The following NAA11 variants were observed in gnomAD, a reference collection of about 807,000 sequenced individuals.
The protein encoded by NAA11 is N-alpha-acetyltransferase 11.
Under a neutral mutation model 16.1 loss-of-function variants are expected in NAA11, and 15 were observed. The ratio of observed to expected loss-of-function variants is 0.93; its 90% CI spans 0.62 to 1.44. The LOEUF (loss-of-function observed/expected upper bound fraction) is 1.44, where lower values mean the gene tolerates loss of function less well. Among genes scored for constraint, NAA11 ranks in the 40% most tolerant of loss-of-function variants. The pLI is 0.00. For synonymous variants in NAA11, 122 were observed against 112.4 expected, an observed-to-expected ratio of 1.09 and a Z score of -0.54; for missense variants, 298 against 291.3, an observed-to-expected ratio of 1.02 and a Z score of -0.17.
At chr4:79,246,128 TTAAGGGCA>T (rs1337940718) in intron 2 of NAA11, among the ~76,000 whole-genome samples, 1 of 152,130 alleles carries the variant, frequency 6.6e-6, no homozygotes, top group Admixed American at 6.5e-5. Context: ...GTTAAATGGA[TTAAGGGCA>T]GTGCAAGATG....
chr4:79,175,384 A>G, the NAA11 span, among the ~76,000 whole-genome samples: 1 of 152,152 alleles, frequency 6.6e-6, no homozygotes, highest in East Asian at 1.9e-4. Context: ...ACATGAAATT[A>G]ATCAAGTAGC....
At chr4:79,319,650 T>C (rs1391870361) in intron 1 of NAA11, among the ~76,000 whole-genome samples, 1 of 152,240 alleles carries the variant, frequency 6.6e-6, no homozygotes, top group African/African-American at 2.4e-5. Flanking sequence ...AAAGGTGACA[T>C]TGTTAGAGAT....
chr4:79,324,054 G>A (rs1366204707), intron 1 of NAA11, among the ~76,000 whole-genome samples: 1 of 150,618 alleles, frequency 6.6e-6, no homozygotes, highest in Admixed American at 6.6e-5. Context: ...AACTTTTCAT[G>A]CTAATTTTCA....
At chr4:79,240,719 T>A (rs1025525593) in intron 2 of NAA11, among the ~76,000 whole-genome samples, 1 of 152,118 alleles carries the variant, frequency 6.6e-6, no homozygotes, top group African/African-American at 2.4e-5. Context: ...AGAAGTTACT[T>A]TTTCTGGTTG....
At chr4:79,168,411 G>A in the NAA11 span, among the ~76,000 whole-genome samples, 3 of 152,136 alleles carry the variant, frequency 2.0e-5, no homozygotes, top group Non-Finnish European at 4.4e-5. Flanking sequence ...AGGTCAAATG[G>A]TATTTCTGGT....
chr4:79,233,442 T>C (rs936166188), intron 2 of NAA11, among the ~76,000 whole-genome samples: 4 of 152,010 alleles, frequency 2.6e-5, no homozygotes, highest in Non-Finnish European at 4.4e-5. Context: ...ATCCCTTGTT[T>C]TTCTTTTGAC....
At chr4:79,176,281 G>T in the NAA11 span, among the ~76,000 whole-genome samples, 1 of 152,094 alleles carries the variant, frequency 6.6e-6, no homozygotes, top group Non-Finnish European at 1.5e-5. Context: ...TAAAATAGAG[G>T]TTAATAGATC....
chr4:79,219,577 A>G, the NAA11 span, among the ~76,000 whole-genome samples: 1 of 152,182 alleles, frequency 6.6e-6, no homozygotes, highest in African/African-American at 2.4e-5. Context: ...TATTTGTGCT[A>G]TATGATATGC....
At position 79,326,048 on chromosome 4, in the gene NAA11, G is replaced by C. The variant is rs1270066825; in HGVS notation, c.-171C>G. 1.6e-6 allele frequency: 1 copy of C among 619,880 alleles called. No individual in the cohort carries two copies. Among genetic ancestry groups the C allele is most frequent in the African/African-American group, 1.9e-5 (1 of 53,988 alleles). 38.4% of individuals were successfully genotyped at this position (619,880 alleles called of 1,614,324 possible). On this transcript the variant is annotated 5_prime_UTR_variant, in exon 1 of 2. The change creates a new upstream start codon in the 5' untranslated region. Coordinates refer to ENST00000286794, the MANE Select transcript of NAA11 (RefSeq NM_032693.3). ...GGCGGAAGGAGCAGGAGATGGAAAA[G>C]ATGGTGCCAAACTGCGGCTTTCAGA...
At chr4:79,214,379 G>A in the NAA11 span, among the ~76,000 whole-genome samples, 1 of 152,136 alleles carries the variant, frequency 6.6e-6, no homozygotes, top group Non-Finnish European at 1.5e-5. Flanking sequence ...AAAGGATGTA[G>A]TAGAAACTTA....
chr4:79,306,849 A>G (rs1723597105), intron 1 of NAA11: 1 of 152,200 alleles, frequency 6.6e-6, no homozygotes, highest in South Asian at 2.1e-4. Context: ...CAGCTGTTCA[A>G]TGAACACAGC....
chr4:79,288,205 A>G (rs973944534), intron 2 of NAA11, among the ~76,000 whole-genome samples: 1 of 152,144 alleles, frequency 6.6e-6, no homozygotes, highest in Admixed American at 6.6e-5. Context: ...CTGACACCTC[A>G]TTACAGAATG....
At chr4:79,173,856 T>C in the NAA11 span, among the ~76,000 whole-genome samples, 1 of 152,158 alleles carries the variant, frequency 6.6e-6, no homozygotes, top group Admixed American at 6.6e-5. Context: ...TTACACAGCT[T>C]TAATGCCTAG....
intron 2 of NAA11, among the ~76,000 whole-genome samples, chr4:79,256,577 C>T (rs1254376814): frequency 6.7e-6 from 1 of 148,608 alleles, no homozygotes; most frequent in African/African-American, 2.5e-5. Context: ...GTGATTAGAT[C>T]CATTAAGTCT....
chr4:79,209,684 T>C, the NAA11 span, among the ~76,000 whole-genome samples: 1 of 152,160 alleles, frequency 6.6e-6, no homozygotes, highest in Non-Finnish European at 1.5e-5. Context: ...CTTGTAGTTA[T>C]TTTAAAATTT....
intron 2 of NAA11, among the ~76,000 whole-genome samples, chr4:79,274,604 AT>A (rs1400204974): frequency 6.6e-6 from 1 of 152,098 alleles, no homozygotes; most frequent in East Asian, 1.9e-4. Flanking sequence ...AAGTTACTTT[AT>A]TCTCGCATCT....
In NAA11 at chr4:79,325,611, C is replaced by T; in HGVS notation, c.267G>A (p.Lys89=). The T allele has an allele frequency of 6.2e-7, 1 of 1,614,092 alleles. No homozygotes were observed. The highest frequency in any genetic ancestry group is 8.5e-7 in the Non-Finnish European group (1 of 1,179,948). ...TGGCCCTGGAGGCCTGGTCCATCAG[C>T]TTCTGGGCCAGGCCGAGGCGCCGGT... ...RSHRRLGLAQ[K]LMDQASRAMI... is the part of the protein sequence containing the mutation. The change falls in exon 1 of 2, where the codon AAG becomes AAA. Residue 89 remains lysine, a synonymous_variant. Coordinates refer to ENST00000286794, the MANE Select transcript of NAA11 (RefSeq NM_032693.3).
downstream of NAA11, among the ~76,000 whole-genome samples, chr4:79,314,430 C>T (rs1265120904): frequency 6.6e-6 from 1 of 151,940 alleles, no homozygotes; most frequent in Admixed American, 6.6e-5. Flanking sequence ...AAAACAATCA[C>T]CTGGAGGGTT....
chr4:79,257,430 AT>A (rs966660703), intron 2 of NAA11, among the ~76,000 whole-genome samples: 8 of 151,550 alleles, frequency 5.3e-5, no homozygotes, highest in Admixed American at 3.3e-4. Flanking sequence ...TTTGCAAGAG[AT>A]TTTTTTTTAA....
Sources: gnomAD v4.1 joint callset for allele counts (sites outside exome capture counted in the v4.1 genomes callset) on GRCh38, gnomAD v4.1.1 for gene constraint, MANE v1.5 for transcripts, NCBI Gene and HGNC (gene_info 2026-07-23, HGNC 2026-07-21) for gene names.